MCTP1: variants seen among roughly 807,000 people sequenced by gnomAD.
The protein encoded by MCTP1 is multiple C2 and transmembrane domain containing 1, also known as multiple C2 and transmembrane domain-containing protein 1.
A neutral mutation model predicts 120.6 loss-of-function variants in MCTP1; 69 were observed. The observed-to-expected ratio is 0.57, with a 90% CI of 0.47 to 0.70. The LOEUF is 0.70. MCTP1 is among the 30% of genes least tolerant of loss of function. The pLI is 0.00. For missense variants in MCTP1, 1,203 were observed against 1,248.8 expected, an observed-to-expected ratio of 0.96 and a Z score of 0.55; for synonymous variants, 529 against 493.1, an observed-to-expected ratio of 1.07 and a Z score of -0.96.
At chr5:94,936,652 G>C (rs1382933944) in intron 5 of MCTP1, among the ~76,000 whole-genome samples, 1 of 151,934 alleles carries the variant, frequency 6.6e-6, no homozygotes, top group East Asian at 1.9e-4. Context: ...TTCTTATTTT[G>C]AGTTTCAAAA....
At chr5:95,037,535 AG>A (rs1203196040) in intron 1 of MCTP1, among the ~76,000 whole-genome samples, 1 of 152,190 alleles carries the variant, frequency 6.6e-6, no homozygotes, top group Non-Finnish European at 1.5e-5. Context: ...GTAGATGTGT[AG>A]TATATATTGG....
chr5:95,276,271 T>TTC (rs2152739759), intron 1 of MCTP1, among the ~76,000 whole-genome samples: 1 of 141,466 alleles, frequency 7.1e-6, no homozygotes, highest in South Asian at 2.4e-4. Context: ...TTTTTTTTTT[T>TTC]TTTTTTGATC....
intron 19 of MCTP1, among the ~76,000 whole-genome samples, chr5:94,767,948 C>G (rs1773172985): frequency 6.6e-6 from 1 of 152,108 alleles, no homozygotes; most frequent in East Asian, 1.9e-4. Flanking sequence ...ATAGCCAAAG[C>G]AATCCAGTGC....
At chr5:94,947,577 T>TATAGAGAGAGAGAGAGAG in intron 3 of MCTP1, among the ~76,000 whole-genome samples, 4 of 47,398 alleles carry the variant, frequency 8.4e-5, no homozygotes, top group Non-Finnish European at 1.2e-4. Flanking sequence ...TATATATATA[T>TATAGAGAGAGAGAGAGAG]AGAGAGAGAG....
At chr5:94,910,917 T>G (rs551373969) in intron 9 of MCTP1, among the ~76,000 whole-genome samples, 2 of 152,338 alleles carry the variant, frequency 1.3e-5, no homozygotes, top group African/African-American at 4.8e-5. Flanking sequence ...CTGTGGTATT[T>G]TGGGGTGTGG....
At chr5:95,249,746 C>T (rs150972158) in intron 1 of MCTP1, among the ~76,000 whole-genome samples, 12 of 152,142 alleles carry the variant, frequency 7.9e-5, no homozygotes, top group Admixed American at 5.2e-4. Flanking sequence ...AGCAAAGACT[C>T]GGAATGATCC....
chr5:95,167,719 G>A (rs1746608833), intron 1 of MCTP1, among the ~76,000 whole-genome samples: 1 of 152,182 alleles, frequency 6.6e-6, no homozygotes, highest in Non-Finnish European at 1.5e-5. Context: ...TTTGAGAAGT[G>A]TCTGTTCATA....
intron 18 of MCTP1, among the ~76,000 whole-genome samples, chr5:94,797,961 G>T (rs747921999): frequency 3.3e-5 from 5 of 151,940 alleles, no homozygotes; most frequent in Non-Finnish European, 5.9e-5. Context: ...CATTATGATG[G>T]TTACTATTAA....
intron 11 of MCTP1, among the ~76,000 whole-genome samples, chr5:94,894,199 G>A (rs1457696790): frequency 1.3e-5 from 2 of 152,176 alleles, no homozygotes; most frequent in African/African-American, 2.4e-5. Context: ...TTCCTGAGCA[G>A]CTGAAAATAA....
At chr5:95,269,739 T>C (rs1011866759) in intron 1 of MCTP1, among the ~76,000 whole-genome samples, 9 of 152,354 alleles carry the variant, frequency 5.9e-5, no homozygotes, top group Middle Eastern at 3.4e-3. Context: ...AGCAATCAGA[T>C]GTCTGTCAAT....
chr5:94,892,334 A>T (rs1053836652), intron 11 of MCTP1, among the ~76,000 whole-genome samples: 1 of 152,204 alleles, frequency 6.6e-6, no homozygotes, highest in South Asian at 2.1e-4. Context: ...GTGAAATGTC[A>T]TAATAAAAAT....
rs1025635085 is a variant in MCTP1 at position 94,930,722 on chromosome 5, T to G, written c.1212+1231A>C. 56 of 152,178 alleles carry G rather than the reference T, an allele frequency of 3.7e-4. 1 individual carries two copies. Among genetic ancestry groups the G allele is most frequent in the Admixed American group, 3.6e-3 (55 of 15,276 alleles). The allele number at this position is 152,178 out of a possible 1,614,324, so 9.4% of individuals were successfully genotyped here. On this transcript the variant is annotated intron_variant, in intron 6 of 22. Transcript: ENST00000515393. ...ACATATTGATGGGTTGTCATGTTTTTTACACAAATATATCCAATTATATGA... is the reference window on the plus strand; with the variant it reads ...ACATATTGATGGGTTGTCATGTTTTGTACACAAATATATCCAATTATATGA...
intron 19 of MCTP1, among the ~76,000 whole-genome samples, chr5:94,744,039 C>T (rs1349125149): frequency 6.6e-6 from 1 of 152,162 alleles, no homozygotes; most frequent in African/African-American, 2.4e-5. Flanking sequence ...GGCACCATCA[C>T]AGCTCACTGC....
intron 1 of MCTP1, among the ~76,000 whole-genome samples, chr5:95,082,714 T>C (rs1755079968): frequency 6.6e-6 from 1 of 152,178 alleles, no homozygotes; most frequent in African/African-American, 2.4e-5. Context: ...ATTTTGGTAC[T>C]AGTGTTGGAG....
chr5:94,728,545 T>C (rs968682412), intron 19 of MCTP1, among the ~76,000 whole-genome samples: 21 of 152,190 alleles, frequency 1.4e-4, no homozygotes, highest in Non-Finnish European at 2.5e-4. Context: ...CTGTTGTGCA[T>C]TTTACGAGTC....
Position 94,947,275 on chromosome 5 carries a change from T to C in MCTP1, c.982-4848A>G, listed in dbSNP as rs80278666. ...GTATTGGGGAAATGGACAATGGATG[T>C]ACGGATAATTTGGCCCTTCCATGTC... On this transcript the variant is annotated intron_variant, in intron 3 of 22. Transcript: ENST00000515393. Among the ~76,000 whole-genome samples, 29 of 152,156 alleles carry C rather than the reference T, an allele frequency of 1.9e-4. No individual in the cohort carries two copies. The East Asian group carries it at 2.9e-3, about 15-fold the overall frequency.
chr5:94,932,170 C>A (rs892929029), intron 5 of MCTP1, among the ~76,000 whole-genome samples, 179 bp from the exon 6 acceptor site: 31 of 143,364 alleles, frequency 2.2e-4, no homozygotes, highest in African/African-American at 7.8e-4. Context: ...CTTTAACATT[C>A]CAGCAGTCTT....
At chr5:95,047,646 C>T (rs1293345438) in intron 1 of MCTP1, among the ~76,000 whole-genome samples, 1 of 152,028 alleles carries the variant, frequency 6.6e-6, no homozygotes, top group Admixed American at 6.6e-5. Context: ...CAGGTAAATC[C>T]TATGAAGTTA....
At position 95,284,148 on chromosome 5, in the gene MCTP1, G is replaced by A. The variant is rs930841145; in HGVS notation, c.428C>T (p.Ala143Val). Reference sequence around the variant, plus strand: ...GCGTCCGCCAGGAGGCGTCCCTCCCGCTGCTCCCGAGGCCGCCGCGGGCCC... The same window carrying A: ...GCGTCCGCCAGGAGGCGTCCCTCCCACTGCTCCCGAGGCCGCCGCGGGCCC... ...VKGPAAASGA[A>V]GGTPPGGRSP... is the part of the protein sequence containing the mutation. Residue 143 changes from alanine (A) to valine (V), a missense_variant, in exon 1 of 23, where the codon GCG becomes GTG. Physicochemically the swap from Ala to Val is moderately conservative, Grantham distance 64 (BLOSUM62 0). Transcript: ENST00000515393. This position sits in a 1 kb window ranked among gnomAD's most constrained non-coding sequence, Gnocchi z 5.2. The A allele has an allele frequency of 7.1e-6, 11 of 1,558,840 alleles. No homozygotes were observed. The highest frequency in any genetic ancestry group is 8.7e-6 in the Non-Finnish European group (10 of 1,152,032).
Sources: allele counts gnomAD v4.1 joint callset (sites outside exome capture counted in the v4.1 genomes callset), GRCh38; gene constraint gnomAD v4.1.1; non-coding constraint Gnocchi (gnomAD v3.1); transcripts MANE v1.5; gene names NCBI Gene and HGNC (gene_info 2026-07-23, HGNC 2026-07-21).